The following PRPF40B variants were observed in gnomAD, a reference collection of about 807,000 sequenced individuals.
PRPF40B encodes pre-mRNA-processing factor 40 homolog B.
Under a neutral mutation model 124.5 loss-of-function variants are expected in PRPF40B, and 56 were observed. The ratio of observed to expected loss-of-function variants is 0.45; its 90% CI spans 0.36 to 0.56. The LOEUF is 0.56. Ranked by LOEUF, PRPF40B falls within the 20% of genes least tolerant of loss-of-function variation. The probability of loss-of-function intolerance (pLI) is 0.00; values close to 1 mark genes in which losing one functional copy is unlikely to be tolerated. For synonymous variants in PRPF40B, 443 were observed against 426.4 expected (o/e 1.04, Z -0.48); for missense variants, 1,053 against 1,169.5 (o/e 0.90, Z 1.45).
rs774077124 is a variant in PRPF40B at position 49,642,702 on chromosome 12, G to A, written c.2118+27G>A. On this transcript the variant is annotated intron_variant, in intron 21 of 25. Transcript: ENST00000548825. This position sits in a 1 kb window ranked among gnomAD's most constrained non-coding sequence, Gnocchi z 5.8. ...TGAGGCAGGCTTGTCCTCTGGATCT[G>A]CCTCAGGCCCTTGAACTCATTAGAC... 6.2e-7 allele frequency: 1 copy of A among 1,606,622 alleles called. No homozygotes were observed. The highest frequency in any genetic ancestry group is 8.5e-7 in the Non-Finnish European group (1 of 1,176,148).
intron 1 of PRPF40B, 154 bp downstream of exon 1, chr12:49,623,747 AG>A (rs1940421264): frequency 4.6e-5 from 4 of 87,392 alleles, no homozygotes; most frequent in Non-Finnish European, 5.2e-5. Context: ...AGAGCCCGGG[AG>A]GGGGGATGGG....
chr12:49,631,991 C>G lies in PRPF40B; in HGVS notation c.294+66C>G. 1.4e-6 allele frequency: 2 copies of G among 1,452,494 alleles called. No homozygotes were observed. Among genetic ancestry groups the G allele is most frequent in the Non-Finnish European group, 1.9e-6 (2 of 1,034,364 alleles). 90.0% of individuals were successfully genotyped at this position (1,452,494 alleles called of 1,614,324 possible). A position where few individuals can be genotyped will look rare whatever the true frequency, so the allele number is the denominator to read the frequency against. On this transcript the variant is annotated intron_variant, in intron 4 of 25. Coordinates refer to ENST00000548825, the MANE Select transcript of PRPF40B (RefSeq NM_001031698.3). This position sits in a 1 kb window ranked among gnomAD's most constrained non-coding sequence, Gnocchi z 4.3. ...AGTCCCGTGAGTCTGACTTGGAATG[C>G]AGGACTATGACCTCCATTCTTTCCC...
At position 49,642,970 on chromosome 12, in the gene PRPF40B, G is replaced by C; in HGVS notation, c.2159G>C (p.Gly720Ala). The change falls in exon 22 of 26, where the codon GGC becomes GCC. Residue 720 changes from glycine (G) to alanine (A), a missense_variant. By Grantham distance (60) the Gly-to-Ala change is moderately conservative. Around this residue, in one of 2 missense-constraint regions of PRPF40B, gnomAD observed 895 missense variants for 1,052.2 expected, o/e 0.85. Coordinates refer to ENST00000548825, the MANE Select transcript of PRPF40B (RefSeq NM_001031698.3). The surrounding 1 kb of genome is among the most constrained non-coding windows in gnomAD (Gnocchi z 5.8). ...QHLHTKGRKH[G>A]RKGKKHHHKR... ...CTCCACACCAAAGGCCGAAAGCATG[G>C]CAGGAAAGGCAAGAAGCACCATCAC... 1.2e-6 allele frequency: 2 copies of C among 1,613,852 alleles called. No individual in the cohort carries two copies. Among genetic ancestry groups the C allele is most frequent in the Non-Finnish European group, 1.7e-6 (2 of 1,179,850 alleles).
In PRPF40B at chr12:49,633,023, T is replaced by G; in HGVS notation, c.358T>G (p.Trp120Gly). Reference sequence around the variant, plus strand: ...CCCCCCCCCCACCCAGAGGGCCCTATGGAGTGAGCATGTGGCCCCAGATGG... The same window carrying G: ...CCCCCCCCCCACCCAGAGGGCCCTAGGGAGTGAGCATGTGGCCCCAGATGG... ...VAGTGPPRAL[W>G]SEHVAPDGRI... Residue 120 changes from tryptophan to glycine, a missense_variant, in exon 7 of 26, where the codon TGG becomes GGG. Trp to Gly is a radical substitution (Grantham distance 184, BLOSUM62 -2). Coordinates refer to ENST00000548825, the MANE Select transcript of PRPF40B (RefSeq NM_001031698.3). 1 of 770,342 alleles carries G rather than the reference T, an allele frequency of 1.3e-6. No homozygotes were observed. Among genetic ancestry groups the G allele is most frequent in the Non-Finnish European group, 1.9e-6 (1 of 517,096 alleles). The allele number at this position is 770,342 out of a possible 1,614,324, so 47.7% of individuals were successfully genotyped here. A position where few individuals can be genotyped will look rare whatever the true frequency, so the allele number is the denominator to read the frequency against.
chr12:49,632,409 A>G (rs1941309560), intron 4 of PRPF40B, 187 bp from the exon 5 acceptor site: 1 of 660,180 alleles, frequency 1.5e-6, no homozygotes. Flanking sequence ...TGGAGCTGCT[A>G]TGCGATTCTC....
At chr12:49,632,497 A>G in intron 4 of PRPF40B, 99 bp from the exon 5 acceptor site, 1 of 1,285,932 alleles carries the variant, frequency 7.8e-7, no homozygotes, top group South Asian at 1.4e-5. Flanking sequence ...AGCAGGACAC[A>G]TGGATTCTGG....
chr12:49,640,210 G>A (rs971955805), intron 18 of PRPF40B: 1 of 152,336 alleles, frequency 6.6e-6, no homozygotes, highest in African/African-American at 2.4e-5. Flanking sequence ...AGACAGATCC[G>A]GGTCAGGGAG....
chr12:49,634,027 T>A lies in PRPF40B; in HGVS notation c.747T>A (p.Asp249Glu). The A allele has an allele frequency of 6.2e-7, 1 of 1,613,884 alleles. No individual in the cohort carries two copies. The highest frequency in any genetic ancestry group is 2.2e-5 in the East Asian group (1 of 44,864). ...EPEPGGSEDC[D>E]VLEATQPLEQ... ...AGCCAGGTGGGAGTGAAGATTGTGA[T>A]GTGTTGGAGGCCACCCAGCCCCTGG... The change falls in exon 10 of 26, where the codon GAT (aspartate) becomes GAA (glutamate). Residue 249 changes from aspartate to glutamate, a missense_variant. Physicochemically the swap from Asp to Glu is conservative, Grantham distance 45. This residue lies in a region of PRPF40B where 895 missense variants were observed against 1,052.2 expected (regional missense o/e 0.85). Transcript: ENST00000548825.
At position 49,632,578 on chromosome 12, in the gene PRPF40B, C is replaced by A. The variant is rs892130443; in HGVS notation, c.295-18C>A. 1 of 1,613,308 alleles carries A rather than the reference C, an allele frequency of 6.2e-7. No homozygotes were observed. The stretch of plus-strand genomic sequence containing the variant: ...CTGGGCTTGGCCCCAACCCTTCCCC[C>A]TCCTCTTTCTTCGGCAGACGGCTCC... On this transcript the variant is annotated intron_variant, in intron 4 of 25. Coordinates refer to ENST00000548825, the MANE Select transcript of PRPF40B (RefSeq NM_001031698.3).
In PRPF40B at chr12:49,631,428, T is replaced by A; in HGVS notation, c.112T>A (p.Phe38Ile). Residue 38 changes from phenylalanine to isoleucine, a missense_variant, in exon 3 of 26, where the codon TTT becomes ATT. Phe to Ile is a conservative substitution (Grantham distance 21). Coordinates refer to ENST00000548825, the MANE Select transcript of PRPF40B (RefSeq NM_001031698.3). The surrounding 1 kb of genome is among the most constrained non-coding windows in gnomAD (Gnocchi z 4.3). ...GCCCCCTCCAGGGATCCCCCCACCC[T>A]TTCCTCCGATGGGGCTACCCCCCAT... Reference protein sequence around the residue: ...FMPPPGIPPPFPPMGLPPMSQ... With the variant: ...FMPPPGIPPPIPPMGLPPMSQ... 8 of 1,213,200 alleles carry A rather than the reference T, an allele frequency of 6.6e-6. No homozygotes were observed. The highest frequency in any genetic ancestry group is 1.7e-5 in the African/African-American group (1 of 57,158). The allele number at this position is 1,213,200 out of a possible 1,614,324, so 75.2% of individuals were successfully genotyped here.
chr12:49,634,758 C>T, intron 12 of PRPF40B, 156 bp downstream of exon 12: 1 of 823,374 alleles, frequency 1.2e-6, no homozygotes, highest in African/African-American at 1.7e-5. Context: ...GCTGGAGGGC[C>T]TCCAGGAGAA....
intron 18 of PRPF40B, chr12:49,640,145 G>T (rs1002007240): frequency 2.0e-5 from 3 of 152,252 alleles, no homozygotes; most frequent in African/African-American, 7.2e-5. Context: ...GGCAGACCAT[G>T]ATGGTGCCTT....
rs554273973 is a variant in PRPF40B at position 49,643,972 on chromosome 12, C to T, written c.2554C>T (p.Arg852Cys). 16 of 1,614,198 alleles carry T rather than the reference C, an allele frequency of 9.9e-6. No homozygotes were observed. The highest frequency in any genetic ancestry group is 6.7e-5 in the African/African-American group (5 of 75,062). The change falls in exon 25 of 26, where the codon CGT becomes TGT. Residue 852 changes from arginine (R) to cysteine (C), a missense_variant. Physicochemically the swap from Arg to Cys is radical, Grantham distance 180 (BLOSUM62 -3). Transcript: ENST00000548825. ...GCTCCAACAGGCAGAGCTCCCTAAC[C>T]GTTCCCCAGGCTTTGGAATCAAGAA... ...RELQQAELPNRSPGFGIKKEK... is the reference protein window; with the variant it reads ...RELQQAELPNCSPGFGIKKEK...
intron 23 of PRPF40B, 141 bp downstream of exon 23, chr12:49,643,538 T>C (rs1318052197): frequency 7.3e-7 from 1 of 1,365,088 alleles, no homozygotes; most frequent in Non-Finnish European, 9.9e-7. Flanking sequence ...TTCCTCTACC[T>C]GCCCAAGCAA....
intron 1 of PRPF40B, chr12:49,624,008 C>T: frequency 9.9e-7 from 1 of 1,009,938 alleles, no homozygotes. Flanking sequence ...CCCCAGCGCC[C>T]GTTCCCTTTG....
chr12:49,623,558 G>A, upstream of PRPF40B: 1 of 1,240,548 alleles, frequency 8.1e-7, no homozygotes, highest in Non-Finnish European at 1.0e-6. Context: ...TGGCGGGTGG[G>A]CTGAGCCGGC....
At position 49,634,595 on chromosome 12, in the gene PRPF40B, C is replaced by T. The variant is rs1000016184; in HGVS notation, c.994C>T (p.Arg332Cys). Reference protein sequence around the residue: ...QAMKMVVTDPRYSALPKLSEK... With the variant: ...QAMKMVVTDPCYSALPKLSEK... Reference sequence around the variant, plus strand: ...CATGAAGATGGTGGTCACCGACCCCCGTTACAGGTAGGCCTGGGCAGAGGG... The same window carrying T: ...CATGAAGATGGTGGTCACCGACCCCTGTTACAGGTAGGCCTGGGCAGAGGG... The change falls in exon 12 of 26, where the codon CGT becomes TGT. Residue 332 changes from arginine (R) to cysteine (C), a missense_variant. Physicochemically the swap from Arg to Cys is radical, Grantham distance 180. This residue lies in a region of PRPF40B where 895 missense variants were observed against 1,052.2 expected (regional missense o/e 0.85). Transcript: ENST00000548825. The T allele has an allele frequency of 1.9e-6, 3 of 1,614,150 alleles. No homozygotes were observed. The highest frequency in any genetic ancestry group is 2.2e-5 in the East Asian group (1 of 44,872).
intron 1 of PRPF40B, among the ~76,000 whole-genome samples, chr12:49,627,267 T>G (rs1018998308): frequency 6.6e-6 from 1 of 152,216 alleles, no homozygotes; most frequent in African/African-American, 2.4e-5. Flanking sequence ...ATATTATAAT[T>G]TAATTGGCAG....
At chr12:49,632,392 C>G (rs756726115) in intron 4 of PRPF40B, 2 of 624,354 alleles carry the variant, frequency 3.2e-6, no homozygotes, top group Non-Finnish European at 5.6e-6. Context: ...TTGAGGAGAA[C>G]GAAGAATGGA....
Sources: allele counts gnomAD v4.1 joint callset (sites outside exome capture counted in the v4.1 genomes callset), GRCh38; gene constraint gnomAD v4.1.1; regional missense constraint gnomAD v4.1.1; non-coding constraint Gnocchi (gnomAD v3.1); transcripts MANE v1.5; gene names NCBI Gene and HGNC (gene_info 2026-07-23, HGNC 2026-07-21).